MDGA2: variants seen among roughly 807,000 people sequenced by gnomAD.
MDGA2 encodes MAM domain-containing glycosylphosphatidylinositol anchor protein 2.
Under a neutral mutation model 117.8 loss-of-function variants are expected in MDGA2, and 40 were observed. The observed-to-expected ratio is 0.34, with a 90% confidence interval of 0.26 to 0.44. The LOEUF (loss-of-function observed/expected upper bound fraction) is 0.44, where lower values mean the gene tolerates loss of function less well. MDGA2 is among the 20% of genes least tolerant of loss of function. The probability of loss-of-function intolerance (pLI) is 1.00; values close to 1 mark genes in which losing one functional copy is unlikely to be tolerated. For missense variants in MDGA2, 1,123 were observed against 1,250.6 expected (o/e 0.90, Z 1.54); for synonymous variants, 452 against 439.0 (o/e 1.03, Z -0.37).
chr14:47,155,973 G>C (rs1267365724), intron 3 of MDGA2, among the ~76,000 whole-genome samples: 23 of 121,380 alleles, frequency 1.9e-4, no homozygotes, highest in African/African-American at 7.0e-4. Context: ...GCAGTGGCGC[G>C]ATCTCGGCTC....
At chr14:47,200,360 C>T (rs547717980) in intron 3 of MDGA2, among the ~76,000 whole-genome samples, 5 of 151,832 alleles carry the variant, frequency 3.3e-5, no homozygotes, top group Admixed American at 2.0e-4. Context: ...ATGAACGAAA[C>T]AATTTAAAAG....
chr14:47,538,519 T>C (rs886199254), intron 1 of MDGA2, among the ~76,000 whole-genome samples: 1 of 152,210 alleles, frequency 6.6e-6, no homozygotes, highest in East Asian at 1.9e-4. Flanking sequence ...TTTCGTGTTA[T>C]ATACAAAGAT....
At chr14:47,390,969 C>G (rs1230551460) in intron 1 of MDGA2, among the ~76,000 whole-genome samples, 1 of 152,116 alleles carries the variant, frequency 6.6e-6, no homozygotes, top group Non-Finnish European at 1.5e-5. Flanking sequence ...CTGGCTGTTT[C>G]CACTCCTACC....
intron 3 of MDGA2, among the ~76,000 whole-genome samples, chr14:47,166,627 A>C (rs1049823578): frequency 3.3e-5 from 5 of 152,220 alleles, no homozygotes; most frequent in Non-Finnish European, 7.3e-5. Flanking sequence ...GATACAACCA[A>C]GAGAGAACTT....
intron 9 of MDGA2, 146 bp from the exon 10 acceptor site, chr14:46,920,306 C>G (rs912885153): frequency 1.4e-6 from 1 of 726,632 alleles, no homozygotes; most frequent in African/African-American, 1.9e-5. Flanking sequence ...GTTTTGAGAA[C>G]AGATGTGAGA....
At chr14:47,579,900 C>T (rs1896196784) in intron 1 of MDGA2, among the ~76,000 whole-genome samples, 1 of 151,920 alleles carries the variant, frequency 6.6e-6, no homozygotes, top group South Asian at 2.1e-4. Context: ...CTATTGGATA[C>T]CCATTATTAG....
chr14:47,231,765 A>G (rs75872441), intron 2 of MDGA2, among the ~76,000 whole-genome samples: 3 of 148,808 alleles, frequency 2.0e-5, no homozygotes, highest in East Asian at 1.9e-4. Context: ...AAAAAAAAAA[A>G]GGGAGAAGAT....
intron 1 of MDGA2, among the ~76,000 whole-genome samples, chr14:47,334,490 G>A (rs1890384544): frequency 6.6e-6 from 1 of 151,762 alleles, no homozygotes; most frequent in East Asian, 1.9e-4. Flanking sequence ...GTTGTAACGG[G>A]ATTATAATAC....
At chr14:47,583,726 C>A (rs1211892867) in intron 1 of MDGA2, among the ~76,000 whole-genome samples, 5 of 151,798 alleles carry the variant, frequency 3.3e-5, no homozygotes, top group Non-Finnish European at 7.4e-5. Context: ...AGGCTGGAAT[C>A]TGGTCCCCAG....
chr14:47,109,592 A>G (rs773052219), intron 5 of MDGA2, among the ~76,000 whole-genome samples: 1 of 152,228 alleles, frequency 6.6e-6, no homozygotes, highest in Non-Finnish European at 1.5e-5. Flanking sequence ...AGAAAGTTGA[A>G]TTTAAAAATT....
At chr14:47,578,253 G>T (rs1282400407) in intron 1 of MDGA2, among the ~76,000 whole-genome samples, 2 of 151,998 alleles carry the variant, frequency 1.3e-5, no homozygotes, top group Non-Finnish European at 2.9e-5. Context: ...GAGCCAGTCA[G>T]GGGGTGGGGG....
intron 8 of MDGA2, among the ~76,000 whole-genome samples, chr14:46,963,953 T>C (rs1260997556): frequency 6.6e-6 from 1 of 151,988 alleles, no homozygotes; most frequent in Non-Finnish European, 1.5e-5. Context: ...AGACCTGGAG[T>C]TTATGTTCAT....
chr14:47,286,203 T>G (rs1404367181), intron 2 of MDGA2, among the ~76,000 whole-genome samples: 1 of 152,154 alleles, frequency 6.6e-6, no homozygotes, highest in Non-Finnish European at 1.5e-5. Flanking sequence ...AACAATCACC[T>G]CATTTATCAT....
rs1190209946 is a variant in MDGA2, at chr14:46,884,812, A to T, written c.2239-2591T>A. Among the ~76,000 whole-genome samples, 1 of 152,094 alleles carries T rather than the reference A, an allele frequency of 6.6e-6. No individual in the cohort carries two copies. Among genetic ancestry groups the T allele is most frequent in the Non-Finnish European group, 1.5e-5 (1 of 67,996 alleles). ...TTAAATCAGTTAGGAAAAATACAGAAAAAATGTTATTATGATCTCAGGTAA... is the reference window on the plus strand; with the variant it reads ...TTAAATCAGTTAGGAAAAATACAGATAAAATGTTATTATGATCTCAGGTAA... On this transcript the variant is annotated intron_variant, in intron 10 of 16. Transcript: ENST00000399232. This position sits in a 1 kb window ranked among gnomAD's most constrained non-coding sequence, Gnocchi z 4.1.
chr14:47,157,568 A>T (rs1883439579), intron 3 of MDGA2, among the ~76,000 whole-genome samples: 2 of 151,754 alleles, frequency 1.3e-5, no homozygotes, highest in Admixed American at 1.3e-4. Context: ...ATAACAAAGG[A>T]TATAAATTTT....
Position 47,131,190 on chromosome 14 carries a change from T to C in MDGA2, c.925+524A>G, listed in dbSNP as rs139627153. On this transcript the variant is annotated intron_variant, in intron 5 of 16. Coordinates refer to ENST00000399232, the MANE Select transcript of MDGA2 (RefSeq NM_001113498.3). Reference sequence around the variant, plus strand: ...CAATTTCTTCTAAATATGTTTACCGTTATTCTGGGGTCTATATTATTGAAC... The same window carrying C: ...CAATTTCTTCTAAATATGTTTACCGCTATTCTGGGGTCTATATTATTGAAC... 1.2e-3 allele frequency among the ~76,000 whole-genome samples: 184 copies of C among 152,180 alleles called. 1 individual carries two copies. Among genetic ancestry groups the C allele is most frequent in the African/African-American group, 4.1e-3 (171 of 41,564 alleles).
intron 5 of MDGA2, among the ~76,000 whole-genome samples, chr14:47,105,725 G>C (rs1402278898): frequency 8.7e-5 from 13 of 149,458 alleles, no homozygotes; most frequent in African/African-American, 3.2e-4. Context: ...TGTGACCAGT[G>C]CAACTCGTCC....
intron 3 of MDGA2, among the ~76,000 whole-genome samples, chr14:47,160,423 G>A (rs1883585067): frequency 6.6e-6 from 1 of 152,148 alleles, no homozygotes; most frequent in Non-Finnish European, 1.5e-5. Context: ...CAGCTGAGAA[G>A]TGGCTCATGC....
intron 9 of MDGA2, among the ~76,000 whole-genome samples, chr14:46,939,369 A>C (rs1954237): frequency 0.65 from 98,288 of 151,946 alleles, 32,717 homozygotes; most frequent in African/African-American, 0.81. Context: ...TTGCTTTGGA[A>C]CCCATAAATA....
Sources: allele counts gnomAD v4.1 joint callset (sites outside exome capture counted in the v4.1 genomes callset), GRCh38; gene constraint gnomAD v4.1.1; non-coding constraint Gnocchi (gnomAD v3.1); transcripts MANE v1.5; gene names NCBI Gene and HGNC (gene_info 2026-07-23, HGNC 2026-07-21).